Variants in GOLPH3 observed in about 807,000 individuals in gnomAD.
GOLPH3 encodes the protein coat protein GPP34.
A neutral mutation model predicts 28.5 loss-of-function variants in GOLPH3; 14 were observed. The observed-to-expected ratio is 0.49, with a 90% CI of 0.32 to 0.77. The LOEUF is 0.77. GOLPH3 is among the 30% of genes least tolerant of loss of function. The pLI, the probability that GOLPH3 is intolerant of heterozygous loss-of-function variation, is 0.03. For missense variants in GOLPH3, 350 were observed against 393.7 expected (o/e 0.89, Z 0.94); for synonymous variants, 158 against 159.2 (o/e 0.99, Z 0.06).
chr5:32,158,127 TAAAATAC>T (rs1746490654), intron 1 of GOLPH3, among the ~76,000 whole-genome samples: 33 of 31,712 alleles, frequency 1.0e-3, no homozygotes, highest in South Asian at 2.3e-3. Flanking sequence ...AATAAATAAA[TAAAATAC>T]ACACACACAC....
chr5:32,127,833 A>G (rs959796501), intron 3 of GOLPH3, among the ~76,000 whole-genome samples: 1 of 152,174 alleles, frequency 6.6e-6, no homozygotes, highest in African/African-American at 2.4e-5. Flanking sequence ...ATATACGAAA[A>G]AACTGTTTTC....
chr5:32,159,831 T>C (rs765262148), intron 1 of GOLPH3, among the ~76,000 whole-genome samples: 2 of 152,190 alleles, frequency 1.3e-5, no homozygotes, highest in Non-Finnish European at 2.9e-5. Flanking sequence ...ATGACTACAT[T>C]CACACTCTAG....
At position 32,126,297 on chromosome 5, in the gene GOLPH3, A is replaced by C; in HGVS notation, c.812T>G (p.Leu271Arg). 1 of 1,614,206 alleles carries C rather than the reference A, an allele frequency of 6.2e-7. No homozygotes were observed. The highest frequency in any genetic ancestry group is 8.5e-7 in the Non-Finnish European group (1 of 1,180,024). ...TTCCACTTCAGGGTCTAAGTCGAGA[A>C]GCTGCCGCACTCTCTTGGTAGCCAA... ...YDLATKRVRQ[L>R]LDLDPEVECL... Residue 271 changes from leucine to arginine, a missense_variant, in exon 4 of 4, where the codon CTT (leucine) becomes CGT (arginine). Physicochemically the swap from Leu to Arg is moderately radical, Grantham distance 102. Coordinates refer to ENST00000265070, the MANE Select transcript of GOLPH3 (RefSeq NM_022130.4).
intron 3 of GOLPH3, among the ~76,000 whole-genome samples, chr5:32,129,963 T>C (rs1222388200): frequency 6.6e-6 from 1 of 151,880 alleles, no homozygotes; most frequent in Non-Finnish European, 1.5e-5. Context: ...TGCCTCACCC[T>C]CCCAAGTAGC....
Position 32,126,464 on chromosome 5 carries a change from C to G in GOLPH3, c.645G>C (p.Lys215Asn), listed in dbSNP as rs1176766281. 2 of 1,614,186 alleles carry G rather than the reference C, an allele frequency of 1.2e-6. No homozygotes were observed. Among genetic ancestry groups the G allele is most frequent in the Non-Finnish European group, 1.7e-6 (2 of 1,180,038 alleles). Residue 215 changes from lysine (K) to asparagine (N), a missense_variant, in exon 4 of 4, where the codon AAG becomes AAC. By Grantham distance (94) the Lys-to-Asn change is moderately conservative (BLOSUM62 0). Transcript: ENST00000265070. ...TGTCAAGAACGGCTTCCTGTACTTT[C>G]TTGATGAGGCGCTGCTTAATGTTGT... Reference protein sequence around the residue: ...TNNNIKQRLIKKVQEAVLDKW... With the variant: ...TNNNIKQRLINKVQEAVLDKW...
intron 1 of GOLPH3, among the ~76,000 whole-genome samples, chr5:32,152,781 CA>C (rs1190659364): frequency 5.1e-5 from 6 of 118,338 alleles, no homozygotes; most frequent in East Asian, 2.4e-4. Flanking sequence ...GACTCAGTCT[CA>C]AAAAAAAAAC....
Position 32,126,200 on chromosome 5 carries a change from C to T in GOLPH3, c.*12G>A. ...ACTTGAGAGAAAGGAGAATGGTTCA[C>T]CCCGAGCAGAGTTACTTGGTGAACG... On this transcript the variant is annotated 3_prime_UTR_variant, in exon 4 of 4. Transcript: ENST00000265070. 2 of 1,603,268 alleles carry T rather than the reference C, an allele frequency of 1.2e-6. No individual in the cohort carries two copies. The highest frequency in any genetic ancestry group is 2.2e-5 in the East Asian group (1 of 44,636).
intron 1 of GOLPH3, among the ~76,000 whole-genome samples, chr5:32,161,909 C>G (rs1746589253): frequency 6.6e-6 from 1 of 151,194 alleles, no homozygotes; most frequent in South Asian, 2.1e-4. Flanking sequence ...CGCCTGTAGT[C>G]CTAGCTACTC....
intron 1 of GOLPH3, among the ~76,000 whole-genome samples, chr5:32,167,907 T>C (rs1249158532): frequency 2.0e-5 from 3 of 152,032 alleles, no homozygotes; most frequent in Non-Finnish European, 4.4e-5. Flanking sequence ...TGAGCCATGA[T>C]CACACCACCA....
rs1476645397 is a variant in GOLPH3, at chr5:32,126,588, C to T, written c.521G>A (p.Arg174Gln). Reference protein sequence around the residue: ...LKLHYQLRNVRERLAKNLVEK... With the variant: ...LKLHYQLRNVQERLAKNLVEK... ...CACCAGGTTTTTAGCTAATCGTTCC[C>T]GTACATTTCTTAACTGATAATGCAA... The change falls in exon 4 of 4, where the codon CGG becomes CAG. Residue 174 changes from arginine (R) to glutamine (Q), a missense_variant. Coordinates refer to ENST00000265070, the MANE Select transcript of GOLPH3 (RefSeq NM_022130.4). 9 of 1,613,932 alleles carry T rather than the reference C, an allele frequency of 5.6e-6. No homozygotes were observed. The highest frequency in any genetic ancestry group is 3.3e-4 in the Middle Eastern group (2 of 6,062).
At chr5:32,167,319 T>A in intron 1 of GOLPH3, among the ~76,000 whole-genome samples, 1 of 152,044 alleles carries the variant, frequency 6.6e-6, no homozygotes, top group East Asian at 1.9e-4. Context: ...TTACAGGTGC[T>A]CGCCACCATG....
intron 1 of GOLPH3, 40 bp downstream of exon 1, chr5:32,173,770 C>G (rs1746907195): frequency 7.7e-7 from 1 of 1,299,972 alleles, no homozygotes; most frequent in Non-Finnish European, 9.7e-7. Context: ...GCGCCCGGGC[C>G]CCGCGCCGCC....
At chr5:32,153,759 A>C (rs1458066976) in intron 1 of GOLPH3, among the ~76,000 whole-genome samples, 1 of 152,166 alleles carries the variant, frequency 6.6e-6, no homozygotes, top group Non-Finnish European at 1.5e-5. Context: ...TTTTTCCTCT[A>C]AAATGTTTGC....
At chr5:32,127,104 C>T (rs1049309288) in intron 3 of GOLPH3, among the ~76,000 whole-genome samples, 1 of 152,178 alleles carries the variant, frequency 6.6e-6, no homozygotes, top group African/African-American at 2.4e-5. Context: ...TTAGGCCATG[C>T]TATTATTTGA....
intron 1 of GOLPH3, among the ~76,000 whole-genome samples, chr5:32,149,269 T>C (rs1379648993): frequency 6.6e-6 from 1 of 152,200 alleles, no homozygotes; most frequent in Non-Finnish European, 1.5e-5. Context: ...GACAGGCACA[T>C]ACACGGAATA....
intron 1 of GOLPH3, among the ~76,000 whole-genome samples, chr5:32,162,764 A>G (rs909990467): frequency 7.2e-5 from 11 of 152,280 alleles, no homozygotes; most frequent in Admixed American, 3.9e-4. Flanking sequence ...TACAACTTAG[A>G]GGCTTTCGGA....
chr5:32,172,992 A>C (rs1167293047), intron 1 of GOLPH3, among the ~76,000 whole-genome samples: 1 of 152,238 alleles, frequency 6.6e-6, no homozygotes, highest in Non-Finnish European at 1.5e-5. Context: ...AATTTTGGAC[A>C]CTGAAGTGAA....
At position 32,128,822 on chromosome 5, in the gene GOLPH3, C is replaced by T. The variant is rs562792021; in HGVS notation, c.473-2186G>A. 5.0e-3 allele frequency among the ~76,000 whole-genome samples: 753 copies of T among 151,216 alleles called. 1 individual carries two copies. The highest frequency in any genetic ancestry group is 7.2e-3 in the Non-Finnish European group (492 of 67,878). On this transcript the variant is annotated intron_variant, in intron 3 of 3. Coordinates refer to ENST00000265070, the MANE Select transcript of GOLPH3 (RefSeq NM_022130.4). Reference sequence around the variant, plus strand: ...CGAAGTTAAAAAAAAAAAAAAATCACTAAACTTGCAAAGCAGCAAAAAAGT... The same window carrying T: ...CGAAGTTAAAAAAAAAAAAAAATCATTAAACTTGCAAAGCAGCAAAAAAGT...
chr5:32,149,251 G>A (rs1746250905), intron 1 of GOLPH3, among the ~76,000 whole-genome samples: 1 of 152,240 alleles, frequency 6.6e-6, no homozygotes, highest in Admixed American at 6.5e-5. Flanking sequence ...TACAGAGACA[G>A]AGAGGCAGAC....
Sources: gnomAD v4.1 joint callset for allele counts (sites outside exome capture counted in the v4.1 genomes callset) on GRCh38, gnomAD v4.1.1 for gene constraint, MANE v1.5 for transcripts, NCBI Gene and HGNC (gene_info 2026-07-23, HGNC 2026-07-21) for gene names.